The following ASTN2 variants were observed in gnomAD, a reference collection of about 807,000 sequenced individuals.
ASTN2 encodes astrotactin 2, also known as astrotactin-2.
Under a neutral mutation model 139.8 loss-of-function variants are expected in ASTN2, and 54 were observed. The observed-to-expected ratio is 0.39, with a 90% confidence interval of 0.31 to 0.48. ASTN2 has a LOEUF of 0.48. Among genes scored for constraint, ASTN2 ranks in the 20% least tolerant of loss-of-function variants. The probability of loss-of-function intolerance (pLI) is 0.95; values close to 1 mark genes in which losing one functional copy is unlikely to be tolerated. For synonymous variants in ASTN2, 756 were observed against 719.5 expected (o/e 1.05, Z -0.81); for missense variants, 1,565 against 1,725.1 (o/e 0.91, Z 1.64).
chr9:117,085,691 C>G (rs1223911535), intron 5 of ASTN2, among the ~76,000 whole-genome samples: 1 of 152,162 alleles, frequency 6.6e-6, no homozygotes, highest in African/African-American at 2.4e-5. Context: ...CCAGCCCCTC[C>G]CAGGCTACCT....
Position 116,425,475 on chromosome 9 carries a change from G to A in ASTN2, c.*376C>T. On this transcript the variant is annotated 3_prime_UTR_variant, in exon 23 of 23. Transcript: ENST00000313400. ...GTCCCTCCATAGGTCTCCTCCAGGG[G>A]TCCATGGCAGGAAGAAAGCAGAGTG... is the stretch of plus-strand genomic sequence containing the variant. 7.7e-7 allele frequency: 1 copy of A among 1,295,956 alleles called. No homozygotes were observed. The allele number at this position is 1,295,956 out of a possible 1,614,324, so 80.3% of individuals were successfully genotyped here.
chr9:116,521,398 A>G (rs1317354150), intron 19 of ASTN2, among the ~76,000 whole-genome samples: 1 of 152,210 alleles, frequency 6.6e-6, no homozygotes, highest in Non-Finnish European at 1.5e-5. Flanking sequence ...AAGTGGGAAA[A>G]GGACACCCTA....
At chr9:117,015,708 T>G (rs575261388) in intron 6 of ASTN2, among the ~76,000 whole-genome samples, 1 of 152,286 alleles carries the variant, frequency 6.6e-6, no homozygotes, top group East Asian at 1.9e-4. Flanking sequence ...AATGCTGAGA[T>G]GTTCCAGTGG....
chr9:116,696,910 T>G (rs968303961), intron 16 of ASTN2, among the ~76,000 whole-genome samples: 1 of 148,064 alleles, frequency 6.8e-6, no homozygotes, highest in African/African-American at 2.5e-5. Context: ...GGATGATTCC[T>G]AGGCCCCCAA....
rs1160608979 is a variant in ASTN2 at position 116,698,874 on chromosome 9, T to C, written c.2806+26897A>G. 6.2e-7 allele frequency: 1 copy of C among 1,614,240 alleles called. No individual in the cohort carries two copies. The highest frequency in any genetic ancestry group is 1.1e-5 in the South Asian group (1 of 91,086). ...AATGTTCAATCTTCCAGTCAGTCTC[T>C]ACGTGACCAGTCAAGGTGAAGTACT... On this transcript the variant is annotated intron_variant, in intron 16 of 22. Transcript: ENST00000313400. This position sits in a 1 kb window ranked among gnomAD's most constrained non-coding sequence, Gnocchi z 4.4.
chr9:117,071,656 C>G (rs1828131880), intron 5 of ASTN2, among the ~76,000 whole-genome samples: 1 of 149,318 alleles, frequency 6.7e-6, no homozygotes, highest in Non-Finnish European at 1.5e-5. Context: ...TGCTAGCAAT[C>G]AGCGAGATTC....
At chr9:117,376,253 A>C (rs1411909579) in intron 1 of ASTN2, among the ~76,000 whole-genome samples, 1 of 152,192 alleles carries the variant, frequency 6.6e-6, no homozygotes, top group Non-Finnish European at 1.5e-5. Context: ...AGGTTCATAG[A>C]GGTAAAGTGA....
intron 11 of ASTN2, among the ~76,000 whole-genome samples, chr9:116,859,501 T>C (rs1380966135): frequency 6.6e-6 from 1 of 152,226 alleles, no homozygotes; most frequent in African/African-American, 2.4e-5. Context: ...ATCATCATTA[T>C]AATGACAATA....
At chr9:117,016,321 C>T (rs1221824244) in intron 6 of ASTN2, among the ~76,000 whole-genome samples, 2 of 151,874 alleles carry the variant, frequency 1.3e-5, no homozygotes, top group African/African-American at 4.8e-5. Context: ...TCAACTGACT[C>T]TCCAAGAGCC....
At chr9:117,180,229 T>C (rs1831023611) in intron 3 of ASTN2, among the ~76,000 whole-genome samples, 1 of 152,180 alleles carries the variant, frequency 6.6e-6, no homozygotes, top group Non-Finnish European at 1.5e-5. Context: ...AGTTAAAAGT[T>C]TTCAGTGGCT....
chr9:116,676,132 G>A (rs973917584), intron 16 of ASTN2, among the ~76,000 whole-genome samples: 13 of 152,116 alleles, frequency 8.5e-5, no homozygotes, highest in African/African-American at 2.2e-4. Context: ...ACAGGGTCAC[G>A]AGAAGCCGCT....
intron 10 of ASTN2, among the ~76,000 whole-genome samples, chr9:116,891,966 T>C (rs975413810): frequency 6.6e-6 from 1 of 152,194 alleles, no homozygotes; most frequent in Non-Finnish European, 1.5e-5. Context: ...TGGAAAACCC[T>C]GTAGTGTTTA....
At chr9:116,949,535 G>T (rs1835498570) in intron 10 of ASTN2, among the ~76,000 whole-genome samples, 1 of 152,186 alleles carries the variant, frequency 6.6e-6, no homozygotes, top group South Asian at 2.1e-4. Flanking sequence ...AAGAGACTGG[G>T]TGAAGTTGAT....
chr9:117,319,042 C>T (rs752758075), intron 1 of ASTN2, among the ~76,000 whole-genome samples: 6 of 152,152 alleles, frequency 3.9e-5, no homozygotes, highest in Non-Finnish European at 7.4e-5. Context: ...GGGAAAAATT[C>T]CTTCTCTTCC....
Position 116,676,748 on chromosome 9 carries a change from T to A in ASTN2, c.2807-24955A>T, listed in dbSNP as rs917640160. 2.6e-5 allele frequency among the ~76,000 whole-genome samples: 4 copies of A among 152,348 alleles called. No homozygotes were observed. The South Asian group carries it at 6.2e-4, about 24-fold the overall frequency. ...GTACAGCTCAGTAGCCAAGGCTTTA[T>A]CTTTTGAAAGTGGTGGCCTGGGTTC... On this transcript the variant is annotated intron_variant, in intron 16 of 22. Coordinates refer to ENST00000313400, the MANE Select transcript of ASTN2 (RefSeq NM_001365068.1).
At chr9:116,934,627 G>A (rs1164378943) in intron 10 of ASTN2, among the ~76,000 whole-genome samples, 1 of 152,252 alleles carries the variant, frequency 6.6e-6, no homozygotes, top group Middle Eastern at 3.4e-3. Context: ...AGTGGAAGGT[G>A]GGAGGGGGGA....
intron 11 of ASTN2, among the ~76,000 whole-genome samples, chr9:116,860,554 C>T (rs1375488377): frequency 1.3e-5 from 2 of 152,180 alleles, no homozygotes; most frequent in Non-Finnish European, 2.9e-5. Flanking sequence ...CATTCTAATG[C>T]CTAAATCCAG....
chr9:116,688,829 A>G (rs957357746), intron 16 of ASTN2, among the ~76,000 whole-genome samples: 1 of 152,010 alleles, frequency 6.6e-6, no homozygotes, highest in Admixed American at 6.5e-5. Flanking sequence ...TGGCTCTGTG[A>G]GTGAGGTGTT....
intron 4 of ASTN2, among the ~76,000 whole-genome samples, chr9:117,131,187 C>T (rs1235372381): frequency 1.3e-5 from 2 of 152,142 alleles, no homozygotes; most frequent in African/African-American, 2.4e-5. Context: ...CTGAATGAAT[C>T]CCCTACCACA....
Sources: gnomAD v4.1 joint callset for allele counts (sites outside exome capture counted in the v4.1 genomes callset) on GRCh38, gnomAD v4.1.1 for gene constraint, Gnocchi (gnomAD v3.1) non-coding constraint, MANE v1.5 for transcripts, NCBI Gene and HGNC (gene_info 2026-07-23, HGNC 2026-07-21) for gene names.